The following FER variants were observed in gnomAD, a reference collection of about 807,000 sequenced individuals.
FER encodes the protein FER tyrosine kinase.
FER carries 63 observed loss-of-function variants against 111.0 expected under a neutral mutation model. The ratio of observed to expected loss-of-function variants is 0.57; its 90% CI spans 0.46 to 0.70. The LOEUF (loss-of-function observed/expected upper bound fraction) is 0.70. Among genes scored for constraint, FER ranks in the 30% least tolerant of loss-of-function variants. The probability of loss-of-function intolerance (pLI) is 0.00; values close to 1 mark genes in which losing one functional copy is unlikely to be tolerated. For synonymous variants in FER, 327 were observed against 313.9 expected (o/e 1.04, Z -0.44); for missense variants, 914 against 954.0 (o/e 0.96, Z 0.55).
chr5:108,979,107 T>C (rs1361359197), intron 13 of FER, among the ~76,000 whole-genome samples: 1 of 152,218 alleles, frequency 6.6e-6, no homozygotes, highest in Non-Finnish European at 1.5e-5. Flanking sequence ...GTTACCACTT[T>C]GATTGTTGGC....
chr5:109,051,639 T>C, intron 16 of FER: 1 of 1,582,678 alleles, frequency 6.3e-7, no homozygotes, highest in Non-Finnish European at 8.7e-7. Flanking sequence ...GGGGAGCAGT[T>C]GGTGAGGAGC....
intron 5 of FER, among the ~76,000 whole-genome samples, chr5:108,861,562 A>G (rs1286750052): frequency 6.6e-6 from 1 of 152,198 alleles, no homozygotes; most frequent in Non-Finnish European, 1.5e-5. Flanking sequence ...AATGCCTGTC[A>G]TCATTTAAAG....
chr5:109,088,539 G>C lies in FER; in HGVS notation c.1925-11857G>C, dbSNP rs116230112. On this transcript the variant is annotated intron_variant, in intron 16 of 19. Coordinates refer to ENST00000281092, the MANE Select transcript of FER (RefSeq NM_005246.4). ...AAATGTGGTTTGGTTGAGCATTGGG[G>C]TTGAGGTGAGAAAAGGAAGAGAATT... 3.0e-3 allele frequency among the ~76,000 whole-genome samples: 460 copies of C among 152,096 alleles called. 1 individual carries two copies. Among genetic ancestry groups the C allele is most frequent in the African/African-American group, 0.01 (434 of 41,518 alleles).
intron 17 of FER, among the ~76,000 whole-genome samples, chr5:109,179,791 A>G (rs968510788): frequency 1.3e-5 from 2 of 152,198 alleles, no homozygotes; most frequent in Non-Finnish European, 1.5e-5. Context: ...ACACCATTTT[A>G]TATCAGGGAT....
At chr5:108,942,003 A>T (rs1458688721) in intron 10 of FER, among the ~76,000 whole-genome samples, 1 of 152,132 alleles carries the variant, frequency 6.6e-6, no homozygotes, top group Non-Finnish European at 1.5e-5. Context: ...ATAATGGTGG[A>T]GGCTGTGCAT....
At chr5:109,015,938 C>T (rs890225060) in intron 13 of FER, among the ~76,000 whole-genome samples, 2 of 151,852 alleles carry the variant, frequency 1.3e-5, no homozygotes, top group African/African-American at 2.4e-5. Flanking sequence ...TCAGATTTAC[C>T]TTCTCTGGCT....
chr5:109,068,210 G>A (rs1445035122), intron 16 of FER, among the ~76,000 whole-genome samples: 2 of 150,774 alleles, frequency 1.3e-5, no homozygotes, highest in African/African-American at 4.9e-5. Flanking sequence ...TTGAGACGGA[G>A]TCTTACTCTA....
intron 5 of FER, among the ~76,000 whole-genome samples, chr5:108,846,221 T>G (rs1762012344): frequency 6.6e-6 from 1 of 152,196 alleles, no homozygotes; most frequent in South Asian, 2.1e-4. Flanking sequence ...ATCTGCTTGT[T>G]TTTATTTTTC....
rs767245570 is a variant in FER, at chr5:108,946,237, C to T, written c.1329+15C>T. 7.7e-6 allele frequency: 12 copies of T among 1,565,328 alleles called. No individual in the cohort carries two copies. In the South Asian group the frequency reaches 1.2e-4, roughly 16 times the overall value. ...GCTCTTCAGCAGTAAGTAGGATTAA[C>T]TCTCTGTGCTACTGAAAATGGTCAT... On this transcript the variant is annotated intron_variant, in intron 11 of 19. Coordinates refer to ENST00000281092, the MANE Select transcript of FER (RefSeq NM_005246.4).
At chr5:109,076,459 T>C (rs183448487) in intron 16 of FER, among the ~76,000 whole-genome samples, 93 of 152,300 alleles carry the variant, frequency 6.1e-4, no homozygotes, top group South Asian at 1.0e-3. Flanking sequence ...AGACACGGTC[T>C]TGCTCTGTCG....
chr5:108,938,411 G>A (rs1019277638), intron 10 of FER, among the ~76,000 whole-genome samples: 1 of 151,916 alleles, frequency 6.6e-6, no homozygotes, highest in Non-Finnish European at 1.5e-5. Context: ...CAATGAGAGT[G>A]GAAAATAAGA....
intron 10 of FER, among the ~76,000 whole-genome samples, chr5:108,934,972 G>T (rs907629849): frequency 6.6e-6 from 1 of 152,072 alleles, no homozygotes; most frequent in South Asian, 2.1e-4. Flanking sequence ...CATTTTTATT[G>T]CATAGAATCT....
chr5:108,848,630 ATATATTT>A (rs1261817117), intron 5 of FER, among the ~76,000 whole-genome samples: 4 of 152,000 alleles, frequency 2.6e-5, no homozygotes, highest in African/African-American at 7.2e-5. Flanking sequence ...TATTATTGTG[ATATATTT>A]TATATATTTT....
chr5:108,843,493 G>T (rs1580826263), intron 5 of FER, among the ~76,000 whole-genome samples: 1 of 151,202 alleles, frequency 6.6e-6, no homozygotes, highest in Non-Finnish European at 1.5e-5. Flanking sequence ...AAATGAAAAA[G>T]ATGTGGACCC....
intron 9 of FER, among the ~76,000 whole-genome samples, chr5:108,896,174 T>G (rs1749063611): frequency 6.6e-6 from 1 of 151,974 alleles, no homozygotes; most frequent in Non-Finnish European, 1.5e-5. Flanking sequence ...TTTTTTTTTC[T>G]TGGTAGCTAG....
intron 16 of FER, among the ~76,000 whole-genome samples, chr5:109,089,790 A>G (rs1421531799): frequency 6.6e-6 from 1 of 152,200 alleles, no homozygotes; most frequent in Admixed American, 6.5e-5. Context: ...TTTAGCCAGT[A>G]TTCCACCTTT....
chr5:109,136,906 C>T (rs1343403585), intron 17 of FER, among the ~76,000 whole-genome samples: 2 of 151,956 alleles, frequency 1.3e-5, no homozygotes, highest in Non-Finnish European at 2.9e-5. Flanking sequence ...ACTCAGGTAA[C>T]CTGAAGTATT....
At chr5:108,822,755 TTTATTTTATTTATTTTATTTTATG>T (rs1226677683) in intron 3 of FER, among the ~76,000 whole-genome samples, 1 of 60,714 alleles carries the variant, frequency 1.6e-5, no homozygotes, top group African/African-American at 2.3e-4. Context: ...TTTATTTTAT[TTTATTTTATTTATTTTATTTTATG>T]TTATTTTATG....
intron 11 of FER, among the ~76,000 whole-genome samples, chr5:108,954,049 C>G (rs777375361): frequency 1.5e-4 from 23 of 152,130 alleles, no homozygotes; most frequent in Non-Finnish European, 2.8e-4. Flanking sequence ...TTTGCTTTCT[C>G]TACCATGCTC....
Sources: allele counts gnomAD v4.1 joint callset (sites outside exome capture counted in the v4.1 genomes callset), GRCh38; gene constraint gnomAD v4.1.1; transcripts MANE v1.5; gene names NCBI Gene and HGNC (gene_info 2026-07-23, HGNC 2026-07-21).